TMEM170B: variants seen among roughly 807,000 people sequenced by gnomAD.
TMEM170B encodes transmembrane protein 170B.
A neutral mutation model predicts 13.0 loss-of-function variants in TMEM170B; 6 were observed. The ratio of observed to expected loss-of-function variants is 0.46; its 90% confidence interval spans 0.25 to 0.91. The LOEUF (loss-of-function observed/expected upper bound fraction) is 0.91, where lower values mean the gene tolerates loss of function less well. TMEM170B is among the 40% of genes least tolerant of loss of function. The pLI, the probability that TMEM170B is intolerant of heterozygous loss-of-function variation, is 0.17. For missense variants in TMEM170B, 138 were observed against 165.2 expected (o/e 0.84, Z 0.90); for synonymous variants, 61 against 64.9 (o/e 0.94, Z 0.29).
chr6:11,571,573 A>G (rs1759802074), intron 2 of TMEM170B, among the ~76,000 whole-genome samples: 1 of 152,112 alleles, frequency 6.6e-6, no homozygotes, highest in Non-Finnish European at 1.5e-5. Flanking sequence ...GCCACTGTTG[A>G]CAGTGGCAGA....
intron 1 of TMEM170B, among the ~76,000 whole-genome samples, chr6:11,561,936 A>G (rs975777821): frequency 1.3e-5 from 2 of 152,240 alleles, no homozygotes; most frequent in African/African-American, 4.8e-5. Context: ...CTACATATTC[A>G]GTAGTCAAAC....
At chr6:11,550,935 T>C (rs1759516436) in intron 1 of TMEM170B, among the ~76,000 whole-genome samples, 1 of 152,222 alleles carries the variant, frequency 6.6e-6, no homozygotes, top group African/African-American at 2.4e-5. Flanking sequence ...TTATACATCT[T>C]TGTATTAGTT....
chr6:11,569,778 T>C (rs1041627373), intron 2 of TMEM170B, among the ~76,000 whole-genome samples: 20 of 152,156 alleles, frequency 1.3e-4, no homozygotes, highest in African/African-American at 3.6e-4. Flanking sequence ...AAAAAATTCA[T>C]CATTTCCTTG....
intron 2 of TMEM170B, among the ~76,000 whole-genome samples, chr6:11,566,675 G>C (rs771850587): frequency 6.6e-6 from 1 of 152,184 alleles, no homozygotes; most frequent in African/African-American, 2.4e-5. Flanking sequence ...GACACAAATG[G>C]GCACTTTGGA....
At chr6:11,567,320 G>A (rs563210724) in intron 2 of TMEM170B, among the ~76,000 whole-genome samples, 24 of 152,316 alleles carry the variant, frequency 1.6e-4, no homozygotes, top group African/African-American at 5.3e-4. Flanking sequence ...TGCCCTTCAC[G>A]TCTGGCCTAT....
chr6:11,580,588 T>C lies in TMEM170B; in HGVS notation c.*5027T>C, dbSNP rs1367945042. The C allele has an allele frequency of 6.6e-6, 1 of 152,220 alleles. No individual in the cohort carries two copies. Among genetic ancestry groups the C allele is most frequent in the Non-Finnish European group, 1.5e-5 (1 of 68,038 alleles). The allele number at this position is 152,220 out of a possible 1,614,324, so 9.4% of individuals were successfully genotyped here. A position where few individuals can be genotyped will look rare whatever the true frequency, so the allele number is the denominator to read the frequency against. On this transcript the variant is annotated 3_prime_UTR_variant, in exon 3 of 3. Transcript: ENST00000379426. ...GTAACTGGGTAAATTACTATTTCTT[T>C]TAATAATCGGGTGAAACTCTGAATT...
chr6:11,540,020 T>G (rs934033590), intron 1 of TMEM170B, among the ~76,000 whole-genome samples: 1 of 152,234 alleles, frequency 6.6e-6, no homozygotes, highest in African/African-American at 2.4e-5. Context: ...GAAAAAAAAG[T>G]ACAGACGTTA....
chr6:11,544,085 A>G (rs1759398495), intron 1 of TMEM170B, among the ~76,000 whole-genome samples: 1 of 152,208 alleles, frequency 6.6e-6, no homozygotes, highest in Admixed American at 6.5e-5. Context: ...TGACAGAGGC[A>G]GGACTGGAAC....
chr6:11,579,229 G>C lies in TMEM170B; in HGVS notation c.*3668G>C, dbSNP rs1004832315. ...GGCTGTGACATAGTGAAGAGAATAC[G>C]AGACTCCAAGCCAGCAACACAGATT... On this transcript the variant is annotated 3_prime_UTR_variant, in exon 3 of 3. Coordinates refer to ENST00000379426, the MANE Select transcript of TMEM170B (RefSeq NM_001100829.3). The C allele has an allele frequency of 4.6e-5, 7 of 152,120 alleles. No individual in the cohort carries two copies. Among genetic ancestry groups the C allele is most frequent in the African/African-American group, 1.7e-4 (7 of 41,402 alleles). 9.4% of individuals were successfully genotyped at this position (152,120 alleles called of 1,614,324 possible).
intron 2 of TMEM170B, among the ~76,000 whole-genome samples, chr6:11,572,623 T>C (rs1759819934): frequency 6.6e-6 from 1 of 152,128 alleles, no homozygotes; most frequent in Non-Finnish European, 1.5e-5. Context: ...GTGAGTAATA[T>C]ATGATTATAT....
chr6:11,572,400 T>G (rs1473506913), intron 2 of TMEM170B, among the ~76,000 whole-genome samples: 1 of 152,198 alleles, frequency 6.6e-6, no homozygotes, highest in Non-Finnish European at 1.5e-5. Flanking sequence ...CCATAATATA[T>G]TTATGCCCTG....
intron 2 of TMEM170B, among the ~76,000 whole-genome samples, chr6:11,569,675 G>C (rs770993577): frequency 6.6e-6 from 1 of 152,080 alleles, no homozygotes; most frequent in Non-Finnish European, 1.5e-5. Flanking sequence ...CCTCCATATA[G>C]AGTCTACCTT....
At chr6:11,538,451 C>T (rs977808050) in intron 1 of TMEM170B, 77 bp downstream of exon 1, 20 of 1,090,664 alleles carry the variant, frequency 1.8e-5, no homozygotes, top group Non-Finnish European at 2.4e-5. Context: ...GGAGGGGACA[C>T]GCTCCTCGCC....
Position 11,579,095 on chromosome 6 carries a change from G to A in TMEM170B, c.*3534G>A, listed in dbSNP as rs965005147. 4.6e-5 allele frequency: 7 copies of A among 152,000 alleles called. No homozygotes were observed. The highest frequency in any genetic ancestry group is 1.7e-4 in the African/African-American group (7 of 41,388). The allele number at this position is 152,000 out of a possible 1,614,324, so 9.4% of individuals were successfully genotyped here. ...TGATTTTTAAATCCTAAAAAGTTTGGGACAACATTTTGCTTCCTGATTTTA... is the reference window on the plus strand; with the variant it reads ...TGATTTTTAAATCCTAAAAAGTTTGAGACAACATTTTGCTTCCTGATTTTA... On this transcript the variant is annotated 3_prime_UTR_variant, in exon 3 of 3. Coordinates refer to ENST00000379426, the MANE Select transcript of TMEM170B (RefSeq NM_001100829.3).
chr6:11,560,594 A>T (rs898443392), intron 1 of TMEM170B, among the ~76,000 whole-genome samples: 10 of 150,620 alleles, frequency 6.6e-5, no homozygotes, highest in African/African-American at 2.0e-4. Context: ...AAAAAAAAAA[A>T]AAAAATGAAA....
intron 1 of TMEM170B, among the ~76,000 whole-genome samples, chr6:11,551,846 C>T (rs1256881669): frequency 6.6e-6 from 1 of 152,158 alleles, no homozygotes; most frequent in Non-Finnish European, 1.5e-5. Flanking sequence ...GAGAGGTGAA[C>T]TGCCTATGGG....
chr6:11,548,751 G>T (rs1047632155), intron 1 of TMEM170B, among the ~76,000 whole-genome samples: 1 of 152,112 alleles, frequency 6.6e-6, no homozygotes, highest in Non-Finnish European at 1.5e-5. Flanking sequence ...CCATAAAAAA[G>T]GATGAGTTCA....
intron 1 of TMEM170B, among the ~76,000 whole-genome samples, chr6:11,544,893 A>AT (rs1320181167): frequency 6.6e-6 from 1 of 152,190 alleles, no homozygotes; most frequent in Non-Finnish European, 1.5e-5. Flanking sequence ...ATGAGAGTCA[A>AT]TATTGTATAT....
Position 11,582,455 on chromosome 6 carries a change from A to G in TMEM170B, c.*6894A>G, listed in dbSNP as rs1759968874. ...AACGAATAGTAGCTACTAACTTCAT[A>G]TGGTTCAATGTAAATCAGTTACTTA... On this transcript the variant is annotated 3_prime_UTR_variant, in exon 3 of 3. Transcript: ENST00000379426. 6.6e-6 allele frequency: 1 copy of G among 152,214 alleles called. No individual in the cohort carries two copies. Among genetic ancestry groups the G allele is most frequent in the Non-Finnish European group, 1.5e-5 (1 of 68,024 alleles). The allele number at this position is 152,214 out of a possible 1,614,324, so 9.4% of individuals were successfully genotyped here. A position where few individuals can be genotyped will look rare whatever the true frequency, so the allele number is the denominator to read the frequency against.
Sources: gnomAD v4.1 joint callset for allele counts (sites outside exome capture counted in the v4.1 genomes callset) on GRCh38, gnomAD v4.1.1 for gene constraint, MANE v1.5 for transcripts, NCBI Gene and HGNC (gene_info 2026-07-23, HGNC 2026-07-21) for gene names.